CUL1: variants seen among roughly 807,000 people sequenced by gnomAD.
CUL1 encodes cullin-1.
A neutral mutation model predicts 118.0 loss-of-function variants in CUL1; 24 were observed. The observed-to-expected ratio is 0.20, with a 90% CI of 0.15 to 0.29. The LOEUF is 0.29. CUL1 is among the 10% of genes least tolerant of loss of function. The probability of loss-of-function intolerance (pLI) is 1.00; values close to 1 mark genes in which losing one functional copy is unlikely to be tolerated. For synonymous variants in CUL1, 332 were observed against 340.4 expected, an observed-to-expected ratio of 0.98 and a Z score of 0.27; for missense variants, 361 against 933.8, an observed-to-expected ratio of 0.39 and a Z score of 7.99.
chr7:148,783,565 G>A, intron 9 of CUL1: 2 of 1,455,702 alleles, frequency 1.4e-6, no homozygotes, highest in Non-Finnish European at 1.8e-6. Context: ...AGTTTTGAGT[G>A]TGGAGAATAG....
chr7:148,707,899 A>G (rs934301958), intron 1 of CUL1, among the ~76,000 whole-genome samples: 1 of 152,088 alleles, frequency 6.6e-6, no homozygotes, highest in Non-Finnish European at 1.5e-5. Flanking sequence ...TGTTCTCAGG[A>G]TGTCTTGCGT....
intron 9 of CUL1, among the ~76,000 whole-genome samples, chr7:148,777,989 G>A (rs1800458966): frequency 6.8e-6 from 1 of 147,566 alleles, no homozygotes; most frequent in Non-Finnish European, 1.5e-5. Flanking sequence ...CTTGAACCAG[G>A]GAGGCAGAGG....
chr7:148,719,711 A>T (rs1026784502), intron 1 of CUL1, among the ~76,000 whole-genome samples: 1 of 152,242 alleles, frequency 6.6e-6, no homozygotes, highest in African/African-American at 2.4e-5. Context: ...AGCTTTGGAC[A>T]TGTAAATATA....
intron 15 of CUL1, 125 bp from the exon 16 acceptor site, chr7:148,790,185 G>C (rs1800957548): frequency 4.9e-6 from 5 of 1,016,330 alleles, no homozygotes; most frequent in Non-Finnish European, 7.5e-6. Flanking sequence ...CCTGGCGTTT[G>C]TATTTTACTT....
intron 1 of CUL1, among the ~76,000 whole-genome samples, chr7:148,709,857 C>T (rs555728658): frequency 2.1e-4 from 32 of 151,864 alleles, no homozygotes; most frequent in Non-Finnish European, 3.5e-4. Context: ...CCGAGGTGGC[C>T]GGATTGCTTG....
intron 2 of CUL1, among the ~76,000 whole-genome samples, chr7:148,744,495 C>G (rs1308736462): frequency 6.6e-6 from 1 of 150,698 alleles, no homozygotes; most frequent in Non-Finnish European, 1.5e-5. Context: ...TTTTTCTTAA[C>G]ATTCCACTTA....
At chr7:148,769,302 C>T (rs1160515164) in intron 9 of CUL1, among the ~76,000 whole-genome samples, 1 of 151,820 alleles carries the variant, frequency 6.6e-6, no homozygotes, top group Non-Finnish European at 1.5e-5. Flanking sequence ...CTTATGAGTA[C>T]ACATAATTTT....
chr7:148,709,833 G>C (rs1797995721), intron 1 of CUL1, among the ~76,000 whole-genome samples: 1 of 152,014 alleles, frequency 6.6e-6, no homozygotes, highest in Admixed American at 6.5e-5. Flanking sequence ...TCTGTAATTT[G>C]AATACTTAGA....
At chr7:148,746,279 G>A (rs992833991) in intron 2 of CUL1, among the ~76,000 whole-genome samples, 4 of 152,166 alleles carry the variant, frequency 2.6e-5, no homozygotes, top group Non-Finnish European at 4.4e-5. Context: ...TCATTGATTC[G>A]AGTGCATTGC....
intron 9 of CUL1, 175 bp from the exon 10 acceptor site, chr7:148,783,608 G>A: frequency 6.6e-7 from 1 of 1,525,660 alleles, no homozygotes; most frequent in South Asian, 1.2e-5. Context: ...TAAACAAAAT[G>A]TCCTATGTGT....
At chr7:148,710,420 T>C (rs1248647515) in intron 1 of CUL1, among the ~76,000 whole-genome samples, 1 of 151,970 alleles carries the variant, frequency 6.6e-6, no homozygotes, top group Non-Finnish European at 1.5e-5. Flanking sequence ...AAATACAAAA[T>C]TAGCCAGGCA....
chr7:148,760,194 G>A (rs1206927110), intron 6 of CUL1, 139 bp from the exon 7 acceptor site: 19 of 587,346 alleles, frequency 3.2e-5, no homozygotes, highest in Non-Finnish European at 4.8e-5. Flanking sequence ...TAATACTAGT[G>A]AGTAAGAGTT....
chr7:148,743,978 T>A (rs2129460014), intron 2 of CUL1, among the ~76,000 whole-genome samples: 1 of 152,342 alleles, frequency 6.6e-6, no homozygotes, highest in East Asian at 1.9e-4. Flanking sequence ...AAAAATACAT[T>A]TGCGAATATG....
intron 17 of CUL1, among the ~76,000 whole-genome samples, chr7:148,794,388 A>G (rs1801114327): frequency 1.3e-5 from 2 of 152,184 alleles, no homozygotes; most frequent in African/African-American, 2.4e-5. Flanking sequence ...ATAGGTATAT[A>G]TGGGTTTATT....
intron 14 of CUL1, 36 bp from the exon 15 acceptor site, chr7:148,789,714 C>T (rs1411401649): frequency 4.5e-6 from 7 of 1,556,640 alleles, no homozygotes; most frequent in Non-Finnish European, 6.2e-6. Context: ...TAATGTATTC[C>T]AGAATGTTCA....
At chr7:148,737,189 ATT>A (rs750567676) in intron 2 of CUL1, among the ~76,000 whole-genome samples, 11 of 142,996 alleles carry the variant, frequency 7.7e-5, no homozygotes, top group Admixed American at 1.4e-4. Flanking sequence ...GTCACAAGTG[ATT>A]TTTTTTTTTT....
intron 1 of CUL1, among the ~76,000 whole-genome samples, chr7:148,723,223 ATCT>A (rs1798451641): frequency 6.6e-6 from 1 of 152,112 alleles, no homozygotes; most frequent in Non-Finnish European, 1.5e-5. Flanking sequence ...GTTCTCCATC[ATCT>A]TGTCAGTTTT....
rs985886843 is a variant in CUL1, at chr7:148,767,959, G to A, written c.1083+210G>A. Among the ~76,000 whole-genome samples the A allele has an allele frequency of 5.3e-5, 8 of 152,220 alleles. No individual in the cohort carries two copies. The East Asian group carries it at 5.8e-4, about 11-fold the overall frequency. On this transcript the variant is annotated intron_variant, in intron 9 of 21. Transcript: ENST00000325222. The stretch of plus-strand genomic sequence containing the variant: ...AGTTTTTCCCTCGCACTTTTTAGGC[G>A]TTAATAATGTTATTTTTTTTTTCCT...
chr7:148,723,447 G>A (rs567992565), intron 1 of CUL1, among the ~76,000 whole-genome samples: 1 of 152,264 alleles, frequency 6.6e-6, no homozygotes, highest in South Asian at 2.1e-4. Context: ...CTGTAGAGCT[G>A]TTCCTCTCTG....
Sources: allele counts gnomAD v4.1 joint callset (sites outside exome capture counted in the v4.1 genomes callset), GRCh38; gene constraint gnomAD v4.1.1; transcripts MANE v1.5; gene names NCBI Gene and HGNC (gene_info 2026-07-23, HGNC 2026-07-21).